The following PCDHGA5 variants were observed in gnomAD, a reference collection of about 807,000 sequenced individuals.
PCDHGA5 encodes the protein protocadherin gamma-A5.
Under a neutral mutation model 56.7 loss-of-function variants are expected in PCDHGA5, and 36 were observed. The observed-to-expected ratio is 0.64, with a 90% CI of 0.49 to 0.84. The LOEUF is 0.84. Among genes scored for constraint, PCDHGA5 ranks in the 40% least tolerant of loss-of-function variants. The pLI is 0.00. For missense variants in PCDHGA5, 1,305 were observed against 1,201.5 expected (o/e 1.09, Z -1.27); for synonymous variants, 563 against 520.2 (o/e 1.08, Z -1.12).
In PCDHGA5 at chr5:141,409,436, C is replaced by T. The variant is rs368696166; in HGVS notation, c.2421+42685C>T. Reference sequence around the variant, plus strand: ...ACTGGTGACAGATGGAGCCCTGGACCGAGAGCAGACACCAGAATACAATGT... The same window carrying T: ...ACTGGTGACAGATGGAGCCCTGGACTGAGAGCAGACACCAGAATACAATGT... On this transcript the variant is annotated intron_variant, in intron 1 of 3. Transcript: ENST00000518069. 6 of 1,613,864 alleles carry T rather than the reference C, an allele frequency of 3.7e-6. 1 individual carries two copies. The highest frequency in any genetic ancestry group is 5.1e-6 in the Non-Finnish European group (6 of 1,179,900).
At chr5:141,399,798 G>T (rs2093890900) in intron 1 of PCDHGA5, 2 of 1,613,118 alleles carry the variant, frequency 1.2e-6, no homozygotes, top group Non-Finnish European at 1.7e-6. Context: ...ACGCACCGCG[G>T]GTGCTGTACC....
At chr5:141,399,856 G>A (rs1391939612) in intron 1 of PCDHGA5, 1 of 1,612,894 alleles carries the variant, frequency 6.2e-7, no homozygotes, top group Non-Finnish European at 8.5e-7. Flanking sequence ...GGTGCCGCGC[G>A]CTGCAGAGCC....
chr5:141,484,709 C>G (rs1223957454), intron 1 of PCDHGA5, among the ~76,000 whole-genome samples: 1 of 151,072 alleles, frequency 6.6e-6, no homozygotes, highest in Non-Finnish European at 1.5e-5. Context: ...TTTTCCCCGC[C>G]GAAAAGGGGC....
In PCDHGA5 at chr5:141,474,057, G is replaced by A. The variant is rs546654716; in HGVS notation, c.2422-20750G>A. Among the ~76,000 whole-genome samples, 3 of 152,192 alleles carry A rather than the reference G, an allele frequency of 2.0e-5. No homozygotes were observed. In the East Asian group the frequency reaches 5.8e-4, roughly 29 times the overall value. On this transcript the variant is annotated intron_variant, in intron 1 of 3. Transcript: ENST00000518069. ...TGTACTCCAGCCTGGATGACAGAGC[G>A]AGATCCTGCCTCAGAAACAAAAACC... is the stretch of plus-strand genomic sequence containing the variant.
chr5:141,400,058 ATGG>A (rs2093953327), intron 1 of PCDHGA5: 1 of 1,613,570 alleles, frequency 6.2e-7, no homozygotes, highest in Admixed American at 1.7e-5. Flanking sequence ...GCTGTGCGTG[ATGG>A]TGGACAGCCG....
chr5:141,477,569 G>A lies in PCDHGA5; in HGVS notation c.2422-17238G>A. The A allele has an allele frequency of 6.2e-7, 1 of 1,614,104 alleles. No homozygotes were observed. Among genetic ancestry groups the A allele is most frequent in the Non-Finnish European group, 8.5e-7 (1 of 1,180,024 alleles). On this transcript the variant is annotated intron_variant, in intron 1 of 3. Coordinates refer to ENST00000518069, the MANE Select transcript of PCDHGA5 (RefSeq NM_018918.3). This position sits in a 1 kb window ranked among gnomAD's most constrained non-coding sequence, Gnocchi z 4.9. ...ACTAAACCTAAGTGTCTGGGACCCC[G>A]ACGCCCCGCAGAATGCTCGGCTTTC...
At position 141,399,158 on chromosome 5, in the gene PCDHGA5, C is replaced by T. The variant is rs575806440; in HGVS notation, c.2421+32407C>T. 17 of 1,613,790 alleles carry T rather than the reference C, an allele frequency of 1.1e-5. No homozygotes were observed. The East Asian group carries it at 2.9e-4, about 27-fold the overall frequency. On this transcript the variant is annotated intron_variant, in intron 1 of 3. Transcript: ENST00000518069. The stretch of plus-strand genomic sequence containing the variant: ...GAAAATGACAATAGCCCAGAAGTTA[C>T]ATTCCATTCTCTACTTGAAATGATT...
chr5:141,459,827 A>T (rs779024675), intron 1 of PCDHGA5, among the ~76,000 whole-genome samples: 1 of 152,126 alleles, frequency 6.6e-6, no homozygotes, highest in Non-Finnish European at 1.5e-5. Context: ...GCAACTTTTC[A>T]TGTGTTGTCT....
intron 1 of PCDHGA5, among the ~76,000 whole-genome samples, chr5:141,381,126 A>G (rs772022914): frequency 2.6e-5 from 4 of 152,232 alleles, no homozygotes; most frequent in Non-Finnish European, 5.9e-5. Context: ...TGTATTCTGG[A>G]GCAATGCCAC....
chr5:141,489,636 C>T lies in PCDHGA5; in HGVS notation c.2422-5171C>T. On this transcript the variant is annotated intron_variant, in intron 1 of 3. Coordinates refer to ENST00000518069, the MANE Select transcript of PCDHGA5 (RefSeq NM_018918.3). The surrounding 1 kb of genome is among the most constrained non-coding windows in gnomAD (Gnocchi z 4.5). ...TGGATCTCAATGACAACTCTCCTAG[C>T]TTTGCCACCCCTGAGCGAGAGATGC... 1.2e-6 allele frequency: 2 copies of T among 1,614,190 alleles called. No homozygotes were observed. The highest frequency in any genetic ancestry group is 1.7e-6 in the Non-Finnish European group (2 of 1,180,030).
chr5:141,466,819 C>A (rs2099130454), intron 1 of PCDHGA5, among the ~76,000 whole-genome samples: 1 of 152,068 alleles, frequency 6.6e-6, no homozygotes, highest in Non-Finnish European at 1.5e-5. Context: ...CATGGTATAA[C>A]AAGTTAGTAT....
intron 1 of PCDHGA5, among the ~76,000 whole-genome samples, chr5:141,473,267 C>G (rs1458810488): frequency 1.3e-5 from 2 of 152,248 alleles, no homozygotes; most frequent in African/African-American, 2.4e-5. Flanking sequence ...TTAGTGTATG[C>G]TATGATTATT....
rs992843398 is a variant in PCDHGA5 at position 141,374,547 on chromosome 5, T to C, written c.2421+7796T>C. On this transcript the variant is annotated intron_variant, in intron 1 of 3. Transcript: ENST00000518069. ...GCTCCATCCTCTCGTTTTCCACTAA[T>C]GGAGGTCTATGACCCTGATGTGGGA... 2.5e-6 allele frequency: 4 copies of C among 1,613,438 alleles called. No homozygotes were observed. The highest frequency in any genetic ancestry group is 1.7e-5 in the Admixed American group (1 of 60,028).
At chr5:141,401,059 G>T (rs1418485253) in intron 1 of PCDHGA5, among the ~76,000 whole-genome samples, 2 of 152,082 alleles carry the variant, frequency 1.3e-5, no homozygotes, top group Non-Finnish European at 2.9e-5. Flanking sequence ...AATACTATAT[G>T]TTGGCTGGGT....
chr5:141,463,874 G>T (rs1311566242), intron 1 of PCDHGA5, among the ~76,000 whole-genome samples: 1 of 152,136 alleles, frequency 6.6e-6, no homozygotes, highest in Non-Finnish European at 1.5e-5. Flanking sequence ...TGACTGAAAG[G>T]AAAAGTTTTC....
chr5:141,496,021 G>C lies in PCDHGA5; in HGVS notation c.2480+1156G>C, dbSNP rs1011612662. Among the ~76,000 whole-genome samples, 3 of 151,454 alleles carry C rather than the reference G, an allele frequency of 2.0e-5. No individual in the cohort carries two copies. The East Asian group carries it at 5.8e-4, about 29-fold the overall frequency. ...CTTTTATCTTGTCTTTTTTCTCTGA[G>C]CCTCTGTCTCTGTCTCTCATTTTTT... On this transcript the variant is annotated intron_variant, in intron 2 of 3. Coordinates refer to ENST00000518069, the MANE Select transcript of PCDHGA5 (RefSeq NM_018918.3).
intron 3 of PCDHGA5, among the ~76,000 whole-genome samples, chr5:141,506,045 C>G (rs1379226123): frequency 6.6e-6 from 1 of 152,078 alleles, no homozygotes; most frequent in Non-Finnish European, 1.5e-5. Flanking sequence ...TCTGGTTTTC[C>G]CATAAGGTTG....
chr5:141,365,599 C>T lies in PCDHGA5; in HGVS notation c.1269C>T (p.Thr423=), dbSNP rs368039042. 1.9e-6 allele frequency: 3 copies of T among 1,613,520 alleles called. No individual in the cohort carries two copies. Among genetic ancestry groups the T allele is most frequent in the Admixed American group, 1.7e-5 (1 of 59,994 alleles). The stretch of plus-strand genomic sequence containing the variant: ...CTTCAGATTATAATATCACTTTAAC[C>T]GTCATGGACCATGGAACCCCGCCCC... ...EETSDYNITL[T]VMDHGTPPLS... Residue 423 remains threonine, a synonymous_variant, in exon 1 of 4, where the codon ACC becomes ACT. Transcript: ENST00000518069.
intron 1 of PCDHGA5, among the ~76,000 whole-genome samples, chr5:141,425,696 A>G (rs1033976807): frequency 1.3e-4 from 20 of 152,242 alleles, no homozygotes; most frequent in African/African-American, 4.3e-4. Context: ...ATCATTTCAT[A>G]GTGGTCAAAA....
Sources: allele counts gnomAD v4.1 joint callset (sites outside exome capture counted in the v4.1 genomes callset), GRCh38; gene constraint gnomAD v4.1.1; non-coding constraint Gnocchi (gnomAD v3.1); transcripts MANE v1.5; gene names NCBI Gene and HGNC (gene_info 2026-07-23, HGNC 2026-07-21).